The following CDH20 variants were observed in gnomAD, a reference collection of about 807,000 sequenced individuals.
CDH20 encodes cadherin 20.
Under a neutral mutation model 74.2 loss-of-function variants are expected in CDH20, and 29 were observed. The ratio of observed to expected loss-of-function variants is 0.39; its 90% CI spans 0.29 to 0.53. The LOEUF is 0.53. Among genes scored for constraint, CDH20 ranks in the 20% least tolerant of loss-of-function variants. The pLI is 0.69. For synonymous variants in CDH20, 469 were observed against 405.4 expected, an observed-to-expected ratio of 1.16 and a Z score of -1.88; for missense variants, 988 against 1,048.3, an observed-to-expected ratio of 0.94 and a Z score of 0.79.
intron 1 of CDH20, among the ~76,000 whole-genome samples, chr18:61,339,657 T>C (rs1269442192): frequency 6.6e-6 from 1 of 151,130 alleles, no homozygotes; most frequent in African/African-American, 2.4e-5. Flanking sequence ...TTCCATGCAA[T>C]GGATACATCT....
chr18:61,542,714 T>A (rs1021890678), intron 9 of CDH20, among the ~76,000 whole-genome samples: 1 of 152,122 alleles, frequency 6.6e-6, no homozygotes, highest in Admixed American at 6.5e-5. Flanking sequence ...CTACAGGCTG[T>A]ACAAGAAGCA....
chr18:61,425,040 CCTCTCTCTCTCTCT>C (rs10535853), intron 1 of CDH20, among the ~76,000 whole-genome samples: 357 of 134,754 alleles, frequency 2.6e-3, no homozygotes, highest in African/African-American at 9.1e-3. Context: ...CTTCCCCGCT[CCTCTCTCTCTCTCT>C]CTCTCTCTCT....
At chr18:61,338,330 G>T (rs1297954259) in intron 1 of CDH20, among the ~76,000 whole-genome samples, 2 of 151,762 alleles carry the variant, frequency 1.3e-5, no homozygotes, top group Admixed American at 6.6e-5. Context: ...TGCTATCCAT[G>T]GTTTGCTAAC....
At chr18:61,532,168 T>C (rs973820006) in intron 7 of CDH20, among the ~76,000 whole-genome samples, 2 of 152,202 alleles carry the variant, frequency 1.3e-5, no homozygotes, top group Non-Finnish European at 2.9e-5. Flanking sequence ...TGTCTACTCC[T>C]CAGACTTCTT....
intron 1 of CDH20, among the ~76,000 whole-genome samples, chr18:61,458,663 A>G (rs1340434777): frequency 2.0e-5 from 3 of 152,200 alleles, no homozygotes; most frequent in African/African-American, 7.2e-5. Context: ...AAAGGGCCCT[A>G]TAGGCAGCAA....
At chr18:61,505,335 CTT>C (rs35833642) in intron 5 of CDH20, among the ~76,000 whole-genome samples, 48,255 of 117,894 alleles carry the variant, frequency 0.41, 8,339 homozygotes, top group African/African-American at 0.46. Flanking sequence ...AAACCAATAT[CTT>C]TTTTTTTTTT....
intron 2 of CDH20, among the ~76,000 whole-genome samples, chr18:61,495,913 C>T (rs572719462): frequency 3.3e-5 from 5 of 152,048 alleles, no homozygotes; most frequent in African/African-American, 1.2e-4. Flanking sequence ...GTAAGTAGAT[C>T]CTGACATGCT....
intron 1 of CDH20, among the ~76,000 whole-genome samples, chr18:61,425,049 C>A (rs1222715708): frequency 8.5e-6 from 1 of 117,282 alleles, no homozygotes; most frequent in Non-Finnish European, 1.8e-5. Context: ...TCCTCTCTCT[C>A]TCTCTCTCTC....
chr18:61,537,167 A>G (rs1912843934), intron 8 of CDH20, among the ~76,000 whole-genome samples: 3 of 152,032 alleles, frequency 2.0e-5, no homozygotes, highest in South Asian at 2.1e-4. Flanking sequence ...ATGTACTACT[A>G]CATTCCTTTT....
At chr18:61,400,628 T>A (rs1237400933) in intron 1 of CDH20, among the ~76,000 whole-genome samples, 2 of 152,168 alleles carry the variant, frequency 1.3e-5, no homozygotes, top group African/African-American at 4.8e-5. Context: ...CATAATTGTG[T>A]TAGCTGTGTC....
chr18:61,437,058 G>C (rs551437361), intron 1 of CDH20, among the ~76,000 whole-genome samples: 1 of 152,224 alleles, frequency 6.6e-6, no homozygotes, highest in South Asian at 2.1e-4. Context: ...ATGAATAATG[G>C]TTGAATGAAT....
At chr18:61,524,082 C>T (rs1178948072) in intron 6 of CDH20, among the ~76,000 whole-genome samples, 1 of 151,716 alleles carries the variant, frequency 6.6e-6, no homozygotes, top group Admixed American at 6.6e-5. Flanking sequence ...TAATAAAGGA[C>T]ACTGTTAAGA....
At position 61,555,550 on chromosome 18, in the gene CDH20, A is replaced by G; in HGVS notation, c.*855A>G. 2 of 985,442 alleles carry G rather than the reference A, an allele frequency of 2.0e-6. No individual in the cohort carries two copies. Among genetic ancestry groups the G allele is most frequent in the Non-Finnish European group, 2.4e-6 (2 of 829,922 alleles). 61.0% of individuals were successfully genotyped at this position (985,442 alleles called of 1,614,324 possible). A position where few individuals can be genotyped will look rare whatever the true frequency, so the allele number is the denominator to read the frequency against. On this transcript the variant is annotated 3_prime_UTR_variant, in exon 12 of 12. Coordinates refer to ENST00000262717, the MANE Select transcript of CDH20 (RefSeq NM_031891.4). ...GCCAAATAAAAAAGAAGTATCTGAC[A>G]AAAGCATGGGTTAGAGGGCTTTCCT...
At chr18:61,428,073 A>C (rs1467131347) in intron 1 of CDH20, among the ~76,000 whole-genome samples, 3 of 152,198 alleles carry the variant, frequency 2.0e-5, no homozygotes, top group Non-Finnish European at 2.9e-5. Flanking sequence ...TAAGATTGGC[A>C]CAAGCTGATG....
intron 1 of CDH20, among the ~76,000 whole-genome samples, chr18:61,486,816 T>C (rs149872104): frequency 1.3e-5 from 2 of 152,272 alleles, no homozygotes; most frequent in Non-Finnish European, 2.9e-5. Flanking sequence ...ACTGCTTCTA[T>C]AGAGATGTCA....
intron 1 of CDH20, among the ~76,000 whole-genome samples, chr18:61,476,319 T>C (rs1446550908): frequency 6.6e-6 from 1 of 152,108 alleles, no homozygotes; most frequent in Non-Finnish European, 1.5e-5. Context: ...TGAGACCATC[T>C]GGAGAGACAA....
intron 1 of CDH20, among the ~76,000 whole-genome samples, chr18:61,367,514 C>A (rs1482832247): frequency 1.3e-5 from 2 of 152,164 alleles, no homozygotes; most frequent in Non-Finnish European, 2.9e-5. Flanking sequence ...TCGTTTATTT[C>A]TGGAGGTCCT....
chr18:61,365,492 C>G (rs1204456569), intron 1 of CDH20, among the ~76,000 whole-genome samples: 1 of 152,020 alleles, frequency 6.6e-6, no homozygotes, highest in Non-Finnish European at 1.5e-5. Context: ...AAATGGGTTT[C>G]CAGTGAGAGT....
intron 1 of CDH20, among the ~76,000 whole-genome samples, chr18:61,366,709 TATA>T (rs565958090): frequency 6.6e-6 from 1 of 152,150 alleles, no homozygotes. Context: ...CTTGAAGATT[TATA>T]ATGTTGCCCC....
Sources: gnomAD v4.1 joint callset for allele counts (sites outside exome capture counted in the v4.1 genomes callset) on GRCh38, gnomAD v4.1.1 for gene constraint, MANE v1.5 for transcripts, NCBI Gene and HGNC (gene_info 2026-07-23, HGNC 2026-07-21) for gene names.